SCAPER: variants seen among roughly 807,000 people sequenced by gnomAD.
SCAPER encodes S phase cyclin A-associated protein in the endoplasmic reticulum.
In SCAPER, 98 loss-of-function variants were observed where a neutral mutation model predicts 182.2. The observed-to-expected ratio is 0.54, with a 90% CI of 0.46 to 0.64. SCAPER has a LOEUF of 0.64. SCAPER is among the 30% of genes least tolerant of loss of function. The probability of loss-of-function intolerance (pLI) is 0.00; values close to 1 mark genes in which losing one functional copy is unlikely to be tolerated. For missense variants in SCAPER, 1,432 were observed against 1,690.0 expected, an observed-to-expected ratio of 0.85 and a Z score of 2.68; for synonymous variants, 605 against 564.6, an observed-to-expected ratio of 1.07 and a Z score of -1.01.
intron 25 of SCAPER, among the ~76,000 whole-genome samples, chr15:76,441,812 CATT>C: frequency 6.6e-6 from 1 of 152,222 alleles, no homozygotes; most frequent in Admixed American, 6.5e-5. Context: ...ACATACTGTA[CATT>C]ATTTCCTCTC....
intron 25 of SCAPER, among the ~76,000 whole-genome samples, chr15:76,447,335 T>C (rs922394524): frequency 2.0e-5 from 3 of 152,196 alleles, no homozygotes; most frequent in South Asian, 2.1e-4. Context: ...TTGAGTTCTG[T>C]AAGCCACTCT....
At chr15:76,605,145 T>C (rs986484340) in intron 22 of SCAPER, among the ~76,000 whole-genome samples, 3 of 152,222 alleles carry the variant, frequency 2.0e-5, no homozygotes, top group African/African-American at 7.2e-5. Flanking sequence ...TTCCGTATGA[T>C]ATTGGCTGTG....
At chr15:76,787,679 C>T (rs1456668976) in intron 8 of SCAPER, among the ~76,000 whole-genome samples, 2 of 152,060 alleles carry the variant, frequency 1.3e-5, no homozygotes, top group Non-Finnish European at 2.9e-5. Flanking sequence ...AAAAACGAAC[C>T]TTCACTTAAA....
intron 17 of SCAPER, among the ~76,000 whole-genome samples, chr15:76,722,020 T>C (rs1308304454): frequency 6.6e-6 from 1 of 152,216 alleles, no homozygotes; most frequent in Non-Finnish European, 1.5e-5. Context: ...TCAAAGGGAA[T>C]GCTTCCGGTT....
chr15:76,843,811 C>T (rs2069735018), intron 4 of SCAPER, among the ~76,000 whole-genome samples: 1 of 151,834 alleles, frequency 6.6e-6, no homozygotes, highest in Admixed American at 6.6e-5. Flanking sequence ...AAAAAAAAAT[C>T]ATAGAGGCTG....
At chr15:76,548,761 G>C (rs1431413458) in intron 23 of SCAPER, among the ~76,000 whole-genome samples, 1 of 152,150 alleles carries the variant, frequency 6.6e-6, no homozygotes, top group Non-Finnish European at 1.5e-5. Flanking sequence ...GCTGAAACTG[G>C]ATCCCTTCCT....
chr15:76,631,541 A>C (rs1187196559), intron 21 of SCAPER, among the ~76,000 whole-genome samples: 1 of 152,100 alleles, frequency 6.6e-6, no homozygotes, highest in Admixed American at 6.5e-5. Context: ...CTTCTCCTTC[A>C]CTAATGAAGT....
intron 8 of SCAPER, among the ~76,000 whole-genome samples, chr15:76,783,788 C>A (rs1340014986): frequency 6.6e-6 from 1 of 151,964 alleles, no homozygotes; most frequent in Non-Finnish European, 1.5e-5. Context: ...ACAAAAACCG[C>A]AATTATCTCA....
intron 24 of SCAPER, among the ~76,000 whole-genome samples, chr15:76,477,499 G>T (rs1399549035): frequency 6.6e-6 from 1 of 152,016 alleles, no homozygotes; most frequent in Non-Finnish European, 1.5e-5. Context: ...TCTTCCCTAG[G>T]ATAAATTTCC....
chr15:76,501,912 G>A (rs2041160393), intron 24 of SCAPER, among the ~76,000 whole-genome samples: 1 of 152,228 alleles, frequency 6.6e-6, no homozygotes, highest in Non-Finnish European at 1.5e-5. Context: ...ATGTCCACCA[G>A]TATGCTCTTA....
At chr15:76,796,669 A>G (rs2065350473) in intron 7 of SCAPER, among the ~76,000 whole-genome samples, 2 of 152,192 alleles carry the variant, frequency 1.3e-5, no homozygotes, top group Non-Finnish European at 2.9e-5. Context: ...TTTACCACAC[A>G]CGAATTAACG....
At chr15:76,460,979 C>A (rs1043047731) in intron 25 of SCAPER, among the ~76,000 whole-genome samples, 3 of 152,108 alleles carry the variant, frequency 2.0e-5, no homozygotes, top group Non-Finnish European at 4.4e-5. Context: ...AGTTTCCCCA[C>A]TAACATTCTT....
At chr15:76,686,465 C>T (rs2147072398) in intron 20 of SCAPER, among the ~76,000 whole-genome samples, 1 of 152,166 alleles carries the variant, frequency 6.6e-6, no homozygotes, top group South Asian at 2.1e-4. Flanking sequence ...GGTAAGAGTG[C>T]AAATTGGTGC....
chr15:76,773,785 T>A (rs1259610523), intron 9 of SCAPER, among the ~76,000 whole-genome samples: 2 of 151,868 alleles, frequency 1.3e-5, no homozygotes, highest in Non-Finnish European at 3.0e-5. Context: ...AGAAAGAATT[T>A]TAAAAAGCAG....
intron 22 of SCAPER, among the ~76,000 whole-genome samples, chr15:76,600,812 T>C (rs374735600): frequency 1.7e-5 from 2 of 120,308 alleles, no homozygotes; most frequent in East Asian, 2.2e-4. Flanking sequence ...ATACCAATTA[T>C]GTGGAGATGA....
At chr15:76,667,637 A>AC in intron 20 of SCAPER, among the ~76,000 whole-genome samples, 1 of 28,848 alleles carries the variant, frequency 3.5e-5, no homozygotes, top group African/African-American at 8.4e-5. Flanking sequence ...AAAAAAAAAA[A>AC]AAAAAAAAAA....
intron 29 of SCAPER, among the ~76,000 whole-genome samples, chr15:76,364,652 A>AT (rs1157760463): frequency 2.6e-5 from 4 of 152,082 alleles, no homozygotes; most frequent in Admixed American, 2.0e-4. Context: ...CTCAAACATC[A>AT]TTCTATTCCT....
At chr15:76,399,864 G>A (rs1429297702) in intron 27 of SCAPER, among the ~76,000 whole-genome samples, 1 of 152,078 alleles carries the variant, frequency 6.6e-6, no homozygotes, top group Non-Finnish European at 1.5e-5. Context: ...AATTAGCCAG[G>A]CATGGTGGCA....
In SCAPER at chr15:76,434,216, G is replaced by A. The variant is rs142261321; in HGVS notation, c.3173C>T (p.Ala1058Val). ...GLTTGLLKVS[A>V]VVLGCLIANR... ...GGCAATCAGGCAGCCCAAAACCACA[G>A]CACTGACTTTGAGAAGTCCAGTTGT... The change falls in exon 26 of 32, where the codon GCT (alanine) becomes GTT (valine). Residue 1058 changes from alanine to valine, a missense_variant. Transcript: ENST00000563290. 1.9e-6 allele frequency: 3 copies of A among 1,613,870 alleles called. No homozygotes were observed.
Sources: allele counts gnomAD v4.1 joint callset (sites outside exome capture counted in the v4.1 genomes callset), GRCh38; gene constraint gnomAD v4.1.1; transcripts MANE v1.5; gene names NCBI Gene and HGNC (gene_info 2026-07-23, HGNC 2026-07-21).